The following AGBL4 variants were observed in gnomAD, a reference collection of about 807,000 sequenced individuals.
AGBL4 encodes the protein cytosolic carboxypeptidase 6.
A neutral mutation model predicts 66.4 loss-of-function variants in AGBL4; 58 were observed. The observed-to-expected ratio is 0.87, with a 90% CI of 0.71 to 1.09. AGBL4 has a LOEUF of 1.09. Ranked by LOEUF, AGBL4 falls within the 50% of genes least tolerant of loss-of-function variation. The probability of loss-of-function intolerance (pLI) is 0.00; values close to 1 mark genes in which losing one functional copy is unlikely to be tolerated. For missense variants in AGBL4, 579 were observed against 631.0 expected (o/e 0.92, Z 0.88); for synonymous variants, 234 against 222.9 (o/e 1.05, Z -0.44).
chr1:49,297,148 C>T (rs369939832), intron 3 of AGBL4, among the ~76,000 whole-genome samples: 1 of 152,204 alleles, frequency 6.6e-6, no homozygotes, highest in South Asian at 2.1e-4. Context: ...AGTTTCTATT[C>T]CATTGTCTCA....
At chr1:49,147,636 T>C (rs1254594187) in intron 4 of AGBL4, among the ~76,000 whole-genome samples, 2 of 152,090 alleles carry the variant, frequency 1.3e-5, no homozygotes, top group Non-Finnish European at 2.9e-5. Context: ...CCAGGCCAGC[T>C]AACAGTTTGA....
chr1:49,706,861 A>C (rs956923117), intron 2 of AGBL4, among the ~76,000 whole-genome samples: 2 of 152,148 alleles, frequency 1.3e-5, no homozygotes, highest in Non-Finnish European at 2.9e-5. Flanking sequence ...GTTTTGAGTG[A>C]GTATCTTAAT....
intron 6 of AGBL4, among the ~76,000 whole-genome samples, chr1:48,716,854 T>C (rs955823361): frequency 2.0e-5 from 3 of 152,302 alleles, no homozygotes; most frequent in South Asian, 4.1e-4. Context: ...AATTTGGAAC[T>C]GTCCCTGCCT....
At chr1:49,362,126 T>A (rs1161301743) in intron 3 of AGBL4, among the ~76,000 whole-genome samples, 3 of 152,162 alleles carry the variant, frequency 2.0e-5, no homozygotes, top group Non-Finnish European at 4.4e-5. Flanking sequence ...ACAAGTACTA[T>A]GATCTCATAT....
At chr1:48,841,411 CCA>C (rs767451985) in intron 6 of AGBL4, among the ~76,000 whole-genome samples, 103 of 84,436 alleles carry the variant, frequency 1.2e-3, no homozygotes, top group African/African-American at 3.2e-3. Context: ...CCCCCCCCCC[CCA>C]AAAAAAAAGA....
chr1:49,188,513 C>T lies in AGBL4; in HGVS notation c.377+57257G>A, dbSNP rs147118080. ...TCCCTGCCCTCAGACAGATTATAGT[C>T]TAATTATATACTGCAGACAATTATT... On this transcript the variant is annotated intron_variant, in intron 4 of 13. Transcript: ENST00000371839. Among the ~76,000 whole-genome samples, 58 of 152,280 alleles carry T rather than the reference C, an allele frequency of 3.8e-4. 1 individual carries two copies. The East Asian group carries it at 0.011, about 28-fold the overall frequency.
intron 3 of AGBL4, among the ~76,000 whole-genome samples, chr1:49,563,814 C>T (rs1046174168): frequency 1.3e-5 from 2 of 152,098 alleles, no homozygotes; most frequent in Non-Finnish European, 2.9e-5. Flanking sequence ...CAGGATGATG[C>T]TGGCCTCATA....
intron 4 of AGBL4, among the ~76,000 whole-genome samples, chr1:49,200,057 TG>T (rs1027190235): frequency 6.6e-6 from 1 of 152,168 alleles, no homozygotes; most frequent in Non-Finnish European, 1.5e-5. Context: ...TGGTCATTTC[TG>T]CAGTTCCTGT....
intron 1 of AGBL4, among the ~76,000 whole-genome samples, chr1:49,870,826 TAAAC>T (rs910264709): frequency 2.4e-4 from 36 of 152,114 alleles, no homozygotes; most frequent in African/African-American, 8.2e-4. Context: ...TAAAAAAAAT[TAAAC>T]AAACAAAATA....
chr1:49,321,607 G>A (rs1645133805), intron 3 of AGBL4, among the ~76,000 whole-genome samples: 1 of 152,148 alleles, frequency 6.6e-6, no homozygotes, highest in African/African-American at 2.4e-5. Context: ...TCACATATGA[G>A]TAAAAACTAC....
chr1:48,570,840 G>A (rs2798095), intron 11 of AGBL4, among the ~76,000 whole-genome samples: 78,093 of 151,914 alleles, frequency 0.51, 20,956 homozygotes, highest in Non-Finnish European at 0.61. Context: ...AGTAGGGGTC[G>A]ACTACAGTCA....
intron 4 of AGBL4, among the ~76,000 whole-genome samples, chr1:49,069,805 C>T (rs1041213034): frequency 6.6e-6 from 1 of 151,854 alleles, no homozygotes; most frequent in African/African-American, 2.4e-5. Flanking sequence ...AGCATTGAAT[C>T]TATAAATTAC....
At chr1:48,777,002 C>A (rs1645133001) in intron 6 of AGBL4, 2 of 206,558 alleles carry the variant, frequency 9.7e-6, no homozygotes, top group Non-Finnish European at 9.1e-6. Context: ...ACCGTTCTGC[C>A]AATCGGCTGC....
chr1:48,573,674 A>G (rs1569847442), intron 11 of AGBL4, among the ~76,000 whole-genome samples: 1 of 152,142 alleles, frequency 6.6e-6, no homozygotes, highest in Non-Finnish European at 1.5e-5. Context: ...AATCTGAAGA[A>G]CCTCTTAGGA....
At chr1:48,649,392 T>G (rs1424798134) in intron 8 of AGBL4, among the ~76,000 whole-genome samples, 1 of 152,228 alleles carries the variant, frequency 6.6e-6, no homozygotes, top group Non-Finnish European at 1.5e-5. Context: ...CTCTGTGCTT[T>G]TACTGTATAA....
At chr1:49,089,543 A>C (rs1257818814) in intron 4 of AGBL4, among the ~76,000 whole-genome samples, 45 of 152,152 alleles carry the variant, frequency 3.0e-4, no homozygotes, top group Non-Finnish European at 7.3e-5. Context: ...AGACTGAACA[A>C]GGAAGAAGCT....
At chr1:48,940,291 T>A (rs1655856042) in intron 5 of AGBL4, among the ~76,000 whole-genome samples, 1 of 152,000 alleles carries the variant, frequency 6.6e-6, no homozygotes, top group Non-Finnish European at 1.5e-5. Flanking sequence ...GGCAGAAGAA[T>A]TGCTTGAACC....
chr1:49,231,279 A>C (rs1169012674), intron 4 of AGBL4, among the ~76,000 whole-genome samples: 1 of 152,196 alleles, frequency 6.6e-6, no homozygotes, highest in African/African-American at 2.4e-5. Context: ...TTTCATAAAG[A>C]GGGATCAGGA....
At chr1:48,652,571 GT>G (rs1645947929) in intron 8 of AGBL4, among the ~76,000 whole-genome samples, 1 of 152,194 alleles carries the variant, frequency 6.6e-6, no homozygotes, top group Non-Finnish European at 1.5e-5. Context: ...CATCTTGAAA[GT>G]CGTGGGCCGA....
Sources: allele counts gnomAD v4.1 joint callset (sites outside exome capture counted in the v4.1 genomes callset), GRCh38; gene constraint gnomAD v4.1.1; transcripts MANE v1.5; gene names NCBI Gene and HGNC (gene_info 2026-07-23, HGNC 2026-07-21).